KDR: variants seen among roughly 807,000 people sequenced by gnomAD.
The protein encoded by KDR is kinase insert domain receptor.
Under a neutral mutation model 160.9 loss-of-function variants are expected in KDR, and 43 were observed. The observed-to-expected ratio is 0.27, with a 90% CI of 0.21 to 0.34. KDR has a LOEUF of 0.34. Among genes scored for constraint, KDR ranks in the 10% least tolerant of loss-of-function variants. The pLI is 1.00. For missense variants in KDR, 1,469 were observed against 1,666.4 expected, an observed-to-expected ratio of 0.88 and a Z score of 2.06; for synonymous variants, 617 against 600.1, an observed-to-expected ratio of 1.03 and a Z score of -0.41.
At position 55,088,922 on chromosome 4, in the gene KDR, C is replaced by G. The variant is rs56242771; in HGVS notation, c.3456G>C (p.Thr1152=). Residue 1152 remains threonine, a synonymous_variant, in exon 26 of 30, where the codon ACG becomes ACC. Coordinates refer to ENST00000263923, the MANE Select transcript of KDR (RefSeq NM_002253.4). ...CWHGEPSQRP[T]FSELVEHLGN... is the part of the protein sequence containing the mutation. ...CCAAATGTTCCACCAACTCTGAAAA[C>G]GTGGGTCTCTGACTGGGCTCCCCGT... The G allele has an allele frequency of 6.2e-7, 1 of 1,614,040 alleles. No homozygotes were observed. Among genetic ancestry groups the G allele is most frequent in the Admixed American group, 1.7e-5 (1 of 60,000 alleles).
chr4:55,120,721 T>G (rs904176415), intron 2 of KDR, among the ~76,000 whole-genome samples: 7 of 152,186 alleles, frequency 4.6e-5, no homozygotes, highest in Non-Finnish European at 1.0e-4. Flanking sequence ...TCCCAAATTT[T>G]TTCAACTCTA....
chr4:55,102,986 G>A lies in KDR; in HGVS notation c.1988-478C>T, dbSNP rs139746328. On this transcript the variant is annotated intron_variant, in intron 13 of 29. Coordinates refer to ENST00000263923, the MANE Select transcript of KDR (RefSeq NM_002253.4). ...CCTCACTAGTGATCTTATGTAATGA[G>A]CAGAATAGGACTGTTAGCGTTATCT... Among the ~76,000 whole-genome samples the A allele has an allele frequency of 8.5e-4, 129 of 152,260 alleles. 1 individual carries two copies. In the East Asian group the frequency reaches 0.021, roughly 25 times the overall value.
chr4:55,123,621 T>C (rs1176587690), intron 1 of KDR, among the ~76,000 whole-genome samples: 1 of 152,234 alleles, frequency 6.6e-6, no homozygotes, highest in African/African-American at 2.4e-5. Context: ...TTGTTTTTGC[T>C]CCATTAAATG....
In KDR at chr4:55,082,050, G is replaced by T. The variant is rs370178960; in HGVS notation, c.3763-9C>A. 199 of 1,581,682 alleles carry T rather than the reference G, an allele frequency of 1.3e-4. No individual in the cohort carries two copies. The highest frequency in any genetic ancestry group is 1.7e-4 in the Non-Finnish European group (190 of 1,150,592). On this transcript the variant is annotated splice_polypyrimidine_tract_variant and intron_variant, in intron 28 of 29. Transcript: ENST00000263923. ...CTGTCCGTCTGGTTGTCCTTTTTAA[G>T]AGACAATGAGATGGCACAGTTAATT... is the stretch of plus-strand genomic sequence containing the variant.
intron 22 of KDR, among the ~76,000 whole-genome samples, chr4:55,090,849 C>CT (rs61138010): frequency 0.23 from 19,298 of 84,174 alleles, 2,939 homozygotes; most frequent in Middle Eastern, 0.35. Flanking sequence ...TAGAAGAAAA[C>CT]TTTTTTTTTT....
At chr4:55,089,005 G>C in intron 25 of KDR, 32 bp from the exon 26 acceptor site, 2 of 1,457,916 alleles carry the variant, frequency 1.4e-6, no homozygotes, top group South Asian at 2.3e-5. Flanking sequence ...TTCATTAAAT[G>C]CCTCTTTCTT....
chr4:55,089,686 C>T lies in KDR; in HGVS notation c.3304+5G>A, dbSNP rs776666083. 3 of 1,610,478 alleles carry T rather than the reference C, an allele frequency of 1.9e-6. No individual in the cohort carries two copies. Among genetic ancestry groups the T allele is most frequent in the Non-Finnish European group, 1.7e-6 (2 of 1,176,962 alleles). On this transcript the variant is annotated splice_donor_5th_base_variant and intron_variant, in intron 24 of 29. Coordinates refer to ENST00000263923, the MANE Select transcript of KDR (RefSeq NM_002253.4). ...TGGATGGAAGGACAAAAAGAAATGA[C>T]TTACCTAAGGAAAATATTTCCCACA...
chr4:55,079,921 G>A lies in KDR; in HGVS notation c.*20C>T. On this transcript the variant is annotated 3_prime_UTR_variant, in exon 30 of 30. Coordinates refer to ENST00000263923, the MANE Select transcript of KDR (RefSeq NM_002253.4). Reference sequence around the variant, plus strand: ...ACCTCTCATGTGATGTCCAGGAGTTGGGGGTGTGGATGCTTCCTTTTAAAC... The same window carrying A: ...ACCTCTCATGTGATGTCCAGGAGTTAGGGGTGTGGATGCTTCCTTTTAAAC... 1.3e-6 allele frequency: 2 copies of A among 1,594,732 alleles called. No homozygotes were observed. The highest frequency in any genetic ancestry group is 8.6e-7 in the Non-Finnish European group (1 of 1,162,594).
chr4:55,085,034 G>T (rs1719827370), intron 27 of KDR, among the ~76,000 whole-genome samples: 1 of 152,204 alleles, frequency 6.6e-6, no homozygotes, highest in Non-Finnish European at 1.5e-5. Flanking sequence ...GAAGAAAATG[G>T]TATGTACCAA....
rs369164340 is a variant in KDR, at chr4:55,095,800, G to T, written c.2729-135C>A. Reference sequence around the variant, plus strand: ...CATTGGGACAGGAGTGTAGAAATCAGCTGGTCCCAATCCCCTTATATTGTA... The same window carrying T: ...CATTGGGACAGGAGTGTAGAAATCATCTGGTCCCAATCCCCTTATATTGTA... On this transcript the variant is annotated intron_variant, in intron 19 of 29. Transcript: ENST00000263923. 1,350 of 714,890 alleles carry T rather than the reference G, an allele frequency of 1.9e-3. 28 individuals carry two copies. Among genetic ancestry groups the T allele is most frequent in the South Asian group, 0.017 (1,106 of 66,940 alleles). The allele number at this position is 714,890 out of a possible 1,614,324, so 44.3% of individuals were successfully genotyped here. A position where few individuals can be genotyped will look rare whatever the true frequency, so the allele number is the denominator to read the frequency against.
rs570354968 is a variant in KDR, at chr4:55,089,816, A to C, written c.3193-14T>G. ...AGGGAGGCGAGCCTACAGGGGTAGA[A>C]GACAAGGATTCAGAACCCAAATTAG... On this transcript the variant is annotated splice_polypyrimidine_tract_variant and intron_variant, in intron 23 of 29. Coordinates refer to ENST00000263923, the MANE Select transcript of KDR (RefSeq NM_002253.4). 1 of 1,612,548 alleles carries C rather than the reference A, an allele frequency of 6.2e-7. No individual in the cohort carries two copies. Among genetic ancestry groups the C allele is most frequent in the Non-Finnish European group, 8.5e-7 (1 of 1,178,538 alleles).
rs191751848 is a variant in KDR, at chr4:55,122,530, C to G, written c.68-1340G>C. 7.6e-4 allele frequency among the ~76,000 whole-genome samples: 116 copies of G among 152,252 alleles called. 1 individual carries two copies. Among genetic ancestry groups the G allele is most frequent in the Non-Finnish European group, 4.0e-4 (27 of 68,020 alleles). On this transcript the variant is annotated intron_variant, in intron 1 of 29. Transcript: ENST00000263923. ...TAAGTAAATACCCAGTGCAAACATC[C>G]AGTGCATTGAATCTGAGGATCCCAA... is the stretch of plus-strand genomic sequence containing the variant.
Position 55,106,694 on chromosome 4 carries a change from T to C in KDR, c.1529A>G (p.Lys510Arg). The C allele has an allele frequency of 6.4e-7, 1 of 1,568,248 alleles. No homozygotes were observed. The highest frequency in any genetic ancestry group is 8.8e-7 in the Non-Finnish European group (1 of 1,138,510). The change falls in exon 11 of 30, where the codon AAA becomes AGA. Residue 510 changes from lysine to arginine, a missense_variant. Lys to Arg is a conservative substitution (Grantham distance 26, BLOSUM62 2). This residue lies in a region of KDR where 792 missense variants were observed against 840.9 expected (regional missense o/e 0.94). Coordinates refer to ENST00000263923, the MANE Select transcript of KDR (RefSeq NM_002253.4). The stretch of plus-strand genomic sequence containing the variant: ...TTAAAACTTCAAACTCACTTTGTTT[T>C]TTCCTTCAATTAGAGCAAATTGATT... ...NKNQFALIEG[K>R]NKTVSTLVIQ...
rs865874666 is a variant in KDR, at chr4:55,080,404, A to C, written c.3849-241T>G. Among the ~76,000 whole-genome samples the C allele has an allele frequency of 2.0e-5, 3 of 152,186 alleles. No homozygotes were observed. In the South Asian group the frequency reaches 6.2e-4, roughly 31 times the overall value. On this transcript the variant is annotated intron_variant, in intron 29 of 29. Transcript: ENST00000263923. ...TCAGGTCCAAGTCTTTCAAGCCTCA[A>C]ATGAGATGAAAGGCAGTTCTCTCGA...
At chr4:55,124,087 C>T (rs1205954406) in intron 1 of KDR, among the ~76,000 whole-genome samples, 2 of 152,188 alleles carry the variant, frequency 1.3e-5, no homozygotes, top group Admixed American at 6.6e-5. Flanking sequence ...ACCCGTTGAA[C>T]CAAGTCATTA....
chr4:55,085,847 A>G (rs1719849474), intron 27 of KDR, among the ~76,000 whole-genome samples: 1 of 152,230 alleles, frequency 6.6e-6, no homozygotes, highest in Non-Finnish European at 1.5e-5. Flanking sequence ...CAGCCCTTCT[A>G]TATATCCAAC....
In KDR at chr4:55,087,660, C is replaced by G; in HGVS notation, c.3609G>C (p.Glu1203Asp). ...SLPTSPVSCM[E>D]EEEVCDPKFH... is the part of the protein sequence containing the mutation. ...ATTTGGGGTCACATACTTCCTCCTC[C>G]TCCATACAGGAAACAGGTGAGGTAG... The change falls in exon 27 of 30, where the codon GAG becomes GAC. Residue 1203 changes from glutamate to aspartate, a missense_variant. Coordinates refer to ENST00000263923, the MANE Select transcript of KDR (RefSeq NM_002253.4). 4.3e-6 allele frequency: 7 copies of G among 1,614,100 alleles called. No homozygotes were observed. The highest frequency in any genetic ancestry group is 5.9e-6 in the Non-Finnish European group (7 of 1,179,928).
intron 22 of KDR, among the ~76,000 whole-genome samples, chr4:55,092,097 G>A (rs1294258911): frequency 2.0e-5 from 3 of 152,096 alleles, no homozygotes; most frequent in Non-Finnish European, 4.4e-5. Context: ...CCCTTTCCAG[G>A]TCATTGCTCA....
intron 27 of KDR, among the ~76,000 whole-genome samples, chr4:55,085,060 G>C (rs1218221317): frequency 1.3e-5 from 2 of 152,206 alleles, no homozygotes; most frequent in African/African-American, 4.8e-5. Flanking sequence ...TTCTCTAAGA[G>C]AGAACTGCAA....
Sources: allele counts gnomAD v4.1 joint callset (sites outside exome capture counted in the v4.1 genomes callset), GRCh38; gene constraint gnomAD v4.1.1; regional missense constraint gnomAD v4.1.1; transcripts MANE v1.5; gene names NCBI Gene and HGNC (gene_info 2026-07-23, HGNC 2026-07-21).